Variants in SPAG6 observed in about 807,000 individuals in gnomAD.
The protein encoded by SPAG6 is sperm associated antigen 6.
SPAG6 carries 49 observed loss-of-function variants against 58.5 expected under a neutral mutation model. That is an observed-to-expected ratio of 0.84 (90% CI 0.67 to 1.06). The LOEUF (loss-of-function observed/expected upper bound fraction) is 1.06, where lower values mean the gene tolerates loss of function less well. Ranked by LOEUF, SPAG6 falls within the 50% of genes least tolerant of loss-of-function variation. The probability of loss-of-function intolerance (pLI) is 0.00; values close to 1 mark genes in which losing one functional copy is unlikely to be tolerated. For missense variants in SPAG6, 560 were observed against 611.3 expected (o/e 0.92, Z 0.89); for synonymous variants, 233 against 225.6 (o/e 1.03, Z -0.29).
At chr10:22,380,722 C>G (rs1479803714) in intron 4 of SPAG6, among the ~76,000 whole-genome samples, 1 of 151,824 alleles carries the variant, frequency 6.6e-6, no homozygotes, top group Non-Finnish European at 1.5e-5. Flanking sequence ...ATAGGGCCAC[C>G]TAACTGCAAA....
intron 4 of SPAG6, among the ~76,000 whole-genome samples, chr10:22,371,400 C>T (rs1476046616): frequency 6.6e-6 from 1 of 152,096 alleles, no homozygotes; most frequent in Non-Finnish European, 1.5e-5. Flanking sequence ...ATTACAGGCA[C>T]ACCCCACCAT....
intron 8 of SPAG6, among the ~76,000 whole-genome samples, chr10:22,396,500 A>T (rs1210052867): frequency 6.6e-6 from 1 of 152,180 alleles, no homozygotes; most frequent in Non-Finnish European, 1.5e-5. Context: ...TATCAGCTGC[A>T]TGAAAACAGA....
In SPAG6 at chr10:22,416,865, G is replaced by T. The variant is rs954071903; in HGVS notation, c.*177G>T. On this transcript the variant is annotated 3_prime_UTR_variant, in exon 11 of 11. Transcript: ENST00000376624. The stretch of plus-strand genomic sequence containing the variant: ...AACATTCGTAGCTTGAATATGTGAG[G>T]AACTATTCATGGTCATTCGCATGCA... 2.1e-6 allele frequency: 1 copy of T among 481,788 alleles called. No individual in the cohort carries two copies. The highest frequency in any genetic ancestry group is 3.8e-6 in the Non-Finnish European group (1 of 266,078). The allele number at this position is 481,788 out of a possible 1,614,324, so 29.8% of individuals were successfully genotyped here. A position where few individuals can be genotyped will look rare whatever the true frequency, so the allele number is the denominator to read the frequency against.
At chr10:22,346,449 T>TTCC (rs1836539174) in intron 2 of SPAG6, among the ~76,000 whole-genome samples, 1 of 137,470 alleles carries the variant, frequency 7.3e-6, no homozygotes, top group South Asian at 2.3e-4. Flanking sequence ...CTTCTTCTTC[T>TTCC]TCTTCTTCTT....
chr10:22,390,821 A>C (rs1026279557), intron 7 of SPAG6, among the ~76,000 whole-genome samples: 5 of 152,210 alleles, frequency 3.3e-5, no homozygotes, highest in Admixed American at 3.3e-4. Context: ...TGACCTCTTC[A>C]GGAAATTGGT....
intron 5 of SPAG6, among the ~76,000 whole-genome samples, chr10:22,387,183 A>G (rs1411414901): frequency 3.3e-5 from 5 of 152,224 alleles, no homozygotes; most frequent in Non-Finnish European, 5.9e-5. Context: ...AAGTAACAAC[A>G]GTGTTAACAT....
chr10:22,401,173 A>G lies in SPAG6; in HGVS notation c.1210A>G (p.Ile404Val), dbSNP rs750690498. Reference sequence around the variant, plus strand: ...TTTGTATTTCTAGAGTAAAAAAGCCATAAAGAATATCCTGCAAAAATGTAC... The same window carrying G: ...TTTGTATTTCTAGAGTAAAAAAGCCGTAAAGAATATCCTGCAAAAATGTAC... ...EDLQVKSKKA[I>V]KNILQKCTYL... is the part of the protein sequence containing the mutation. The change falls in exon 9 of 11, where the codon ATA becomes GTA. Residue 404 changes from isoleucine (I) to valine (V), a missense_variant. Transcript: ENST00000376624. 34 of 1,560,824 alleles carry G rather than the reference A, an allele frequency of 2.2e-5. No homozygotes were observed. The highest frequency in any genetic ancestry group is 1.2e-4 in the Admixed American group (7 of 59,774).
At chr10:22,372,587 T>G (rs931214517) in intron 4 of SPAG6, among the ~76,000 whole-genome samples, 1 of 152,108 alleles carries the variant, frequency 6.6e-6, no homozygotes, top group Non-Finnish European at 1.5e-5. Flanking sequence ...TGTGGCTCTG[T>G]GGAGGGTGCT....
intron 10 of SPAG6, among the ~76,000 whole-genome samples, chr10:22,415,715 TAAC>T (rs1197146956): frequency 6.6e-6 from 1 of 152,194 alleles, no homozygotes; most frequent in African/African-American, 2.4e-5. Flanking sequence ...TAGATAAAGA[TAAC>T]TAACAAAAGG....
intron 9 of SPAG6, among the ~76,000 whole-genome samples, chr10:22,409,850 G>A (rs143895499): frequency 2.0e-5 from 3 of 151,968 alleles, no homozygotes; most frequent in South Asian, 2.1e-4. Flanking sequence ...ACCTGCAAAC[G>A]TGCTCAAGTC....
rs775990298 is a variant in SPAG6, at chr10:22,411,038, C to G, written c.1322C>G (p.Pro441Arg). 6.2e-7 allele frequency: 1 copy of G among 1,613,478 alleles called. No individual in the cohort carries two copies. Among genetic ancestry groups the G allele is most frequent in the Non-Finnish European group, 8.5e-7 (1 of 1,179,800 alleles). Residue 441 changes from proline (P) to arginine (R), a missense_variant, in exon 10 of 11, where the codon CCG becomes CGG. Physicochemically the swap from Pro to Arg is moderately radical, Grantham distance 103. Coordinates refer to ENST00000376624, the MANE Select transcript of SPAG6 (RefSeq NM_012443.4). The stretch of plus-strand genomic sequence containing the variant: ...TGTGCTTCACTTTGCAAGGTGCTGC[C>G]GCATGATAGCAAAGCTCGACGACTT... ...HVVGQFSKVLPHDSKARRLFV... is the reference protein window; with the variant it reads ...HVVGQFSKVLRHDSKARRLFV...
chr10:22,405,248 A>G (rs537772108), intron 9 of SPAG6, among the ~76,000 whole-genome samples: 2 of 150,948 alleles, frequency 1.3e-5, no homozygotes, highest in South Asian at 4.2e-4. Context: ...GTTTTTGCCC[A>G]TTCAGTATGA....
chr10:22,407,158 G>T (rs975985624), intron 9 of SPAG6, among the ~76,000 whole-genome samples: 3 of 150,368 alleles, frequency 2.0e-5, no homozygotes, highest in African/African-American at 5.0e-5. Context: ...ATATTGTTAT[G>T]TGTGAATTTG....
Position 22,345,963 on chromosome 10 carries a change from T to C in SPAG6, c.121+145T>C. ...AGCATCCATTCTTTTCAGCGGGTCT[T>C]TGGGGGTCAGGCCGAGAGGGTGAAG... On this transcript the variant is annotated intron_variant, in intron 2 of 10. Transcript: ENST00000376624. This position sits in a 1 kb window ranked among gnomAD's most constrained non-coding sequence, Gnocchi z 6.3. 1 of 1,551,662 alleles carries C rather than the reference T, an allele frequency of 6.4e-7. No individual in the cohort carries two copies. The highest frequency in any genetic ancestry group is 8.7e-7 in the Non-Finnish European group (1 of 1,147,826).
intron 2 of SPAG6, among the ~76,000 whole-genome samples, chr10:22,355,325 A>AT (rs1216010481): frequency 1.3e-5 from 2 of 152,204 alleles, no homozygotes; most frequent in Non-Finnish European, 2.9e-5. Context: ...GAAATGCTAT[A>AT]TAAGTGTTTG....
At chr10:22,369,874 A>G (rs1833644113) in intron 4 of SPAG6, among the ~76,000 whole-genome samples, 1 of 152,234 alleles carries the variant, frequency 6.6e-6, no homozygotes, top group African/African-American at 2.4e-5. Flanking sequence ...GAGCAGTTTG[A>G]CAAAACTATT....
chr10:22,404,945 G>T (rs1435262666), intron 9 of SPAG6, among the ~76,000 whole-genome samples: 1 of 151,544 alleles, frequency 6.6e-6, no homozygotes, highest in Non-Finnish European at 1.5e-5. Context: ...TTTGTCTGTT[G>T]TTGGTGTATA....
chr10:22,371,196 C>T (rs1588647140), intron 4 of SPAG6, among the ~76,000 whole-genome samples: 1 of 152,160 alleles, frequency 6.6e-6, no homozygotes, highest in Non-Finnish European at 1.5e-5. Flanking sequence ...CCTAGTAAAC[C>T]ATAAAAGTTA....
chr10:22,377,625 G>A (rs1588652308), intron 4 of SPAG6, among the ~76,000 whole-genome samples: 1 of 152,310 alleles, frequency 6.6e-6, no homozygotes, highest in South Asian at 2.1e-4. Context: ...GAATCCTCAG[G>A]AATAAAAGTA....
Sources: gnomAD v4.1 joint callset for allele counts (sites outside exome capture counted in the v4.1 genomes callset) on GRCh38, gnomAD v4.1.1 for gene constraint, Gnocchi (gnomAD v3.1) non-coding constraint, MANE v1.5 for transcripts, NCBI Gene and HGNC (gene_info 2026-07-23, HGNC 2026-07-21) for gene names.